ACTG2: variants seen among roughly 807,000 people sequenced by gnomAD.
The protein encoded by ACTG2 is actin, gamma-enteric smooth muscle.
ACTG2 carries 16 observed loss-of-function variants against 37.6 expected under a neutral mutation model. The observed-to-expected ratio is 0.43, with a 90% CI of 0.29 to 0.65. The LOEUF (loss-of-function observed/expected upper bound fraction) is 0.65. Ranked by LOEUF, ACTG2 falls within the 30% of genes least tolerant of loss-of-function variation. The pLI is 0.18. For missense variants in ACTG2, 238 were observed against 490.9 expected, an observed-to-expected ratio of 0.48 and a Z score of 4.87; for synonymous variants, 181 against 179.9, an observed-to-expected ratio of 1.01 and a Z score of -0.05.
intron 1 of ACTG2, among the ~76,000 whole-genome samples, chr2:73,894,983 G>T (rs1263026027): frequency 6.6e-6 from 1 of 152,172 alleles, no homozygotes; most frequent in African/African-American, 2.4e-5. Flanking sequence ...GGGCAAGAGC[G>T]CTACTGCAGC....
chr2:73,900,192 T>C (rs1037720675), intron 1 of ACTG2, among the ~76,000 whole-genome samples: 1 of 152,200 alleles, frequency 6.6e-6, no homozygotes, highest in Admixed American at 6.5e-5. Context: ...GCCTCTCTTT[T>C]CTCTGGGTTT....
At chr2:73,913,163 C>T (rs1558628027) in intron 5 of ACTG2, among the ~76,000 whole-genome samples, 6 of 100,048 alleles carry the variant, frequency 6.0e-5, no homozygotes, top group African/African-American at 2.2e-4. Flanking sequence ...GAGCAAAACT[C>T]TGTCTCCAAA....
rs1680077245 is a variant in ACTG2, at chr2:73,909,232, T to C, written c.451+93T>C. 3 of 1,200,782 alleles carry C rather than the reference T, an allele frequency of 2.5e-6. No homozygotes were observed. The Admixed American group carries it at 5.5e-5, about 22-fold the overall frequency. The allele number at this position is 1,200,782 out of a possible 1,614,324, so 74.4% of individuals were successfully genotyped here. On this transcript the variant is annotated intron_variant, in intron 5 of 8. Coordinates refer to ENST00000345517, the MANE Select transcript of ACTG2 (RefSeq NM_001615.4). The stretch of plus-strand genomic sequence containing the variant: ...GAGGCTCCTGCTCAGAAGAATCAAA[T>C]GGACAGCTGAAGTCCAGGCAAAATC...
intron 3 of ACTG2, among the ~76,000 whole-genome samples, chr2:73,904,771 GTGTGTGTATATA>G (rs1255078266): frequency 9.0e-4 from 18 of 20,070 alleles, no homozygotes; most frequent in Admixed American, 8.0e-3. Flanking sequence ...GTGTGTGTGT[GTGTGTGTATATA>G]TATATATATA....
At chr2:73,894,234 G>A (rs1181826911) in intron 1 of ACTG2, among the ~76,000 whole-genome samples, 1 of 152,172 alleles carries the variant, frequency 6.6e-6, no homozygotes, top group African/African-American at 2.4e-5. Context: ...GCTCCCAGGC[G>A]ACACTGAAGC....
rs547912242 is a variant in ACTG2 at position 73,915,596 on chromosome 2, T to G, written c.805+725T>G. Among the ~76,000 whole-genome samples the G allele has an allele frequency of 8.6e-4, 131 of 152,164 alleles. 1 individual carries two copies. The highest frequency in any genetic ancestry group is 3.0e-3 in the African/African-American group (126 of 41,498). ...AGCCAGTTTGGCGTGCAGGACCTTT[T>G]GCTCTAGAAGACTGTGATGCCAGGC... On this transcript the variant is annotated intron_variant, in intron 7 of 8. Transcript: ENST00000345517.
At chr2:73,919,285 T>C (rs1270910272) in intron 8 of ACTG2, 147 bp from the exon 9 acceptor site, 1 of 967,864 alleles carries the variant, frequency 1.0e-6, no homozygotes, top group East Asian at 2.4e-5. Context: ...GAAGTGAAGG[T>C]TTTGAGCAAT....
intron 3 of ACTG2, 144 bp downstream of exon 3, chr2:73,902,632 C>G: frequency 1.3e-6 from 2 of 1,552,424 alleles, no homozygotes; most frequent in Non-Finnish European, 1.7e-6. Context: ...AGCCCCACGA[C>G]CATTTCTCCA....
chr2:73,913,441 G>C lies in ACTG2; in HGVS notation c.452-44G>C, dbSNP rs768874239. The C allele has an allele frequency of 1.2e-5, 19 of 1,521,398 alleles. No homozygotes were observed. The African/African-American group carries it at 2.5e-4, about 20-fold the overall frequency. 94.2% of individuals were successfully genotyped at this position (1,521,398 alleles called of 1,614,324 possible). ...CAGTCCTAGAAAGAGACTGATGAAA[G>C]GCAAGAATGAGAATTTTATAAGCCT... is the stretch of plus-strand genomic sequence containing the variant. On this transcript the variant is annotated intron_variant, in intron 5 of 8. Coordinates refer to ENST00000345517, the MANE Select transcript of ACTG2 (RefSeq NM_001615.4).
chr2:73,918,313 C>T lies in ACTG2; in HGVS notation c.988-1119C>T, dbSNP rs114091060. Among the ~76,000 whole-genome samples the T allele has an allele frequency of 4.9e-3, 753 of 152,208 alleles. 2 individuals are homozygous for T. The highest frequency in any genetic ancestry group is 8.4e-3 in the Non-Finnish European group (573 of 67,996). The stretch of plus-strand genomic sequence containing the variant: ...TTAGGACCACCAACCTAAGAGAAGC[C>T]AGAGTTTTCTCATGAGAAGTGTCCA... On this transcript the variant is annotated intron_variant, in intron 8 of 8. Transcript: ENST00000345517.
At chr2:73,898,536 T>C (rs987747941) in intron 1 of ACTG2, among the ~76,000 whole-genome samples, 3 of 151,424 alleles carry the variant, frequency 2.0e-5, no homozygotes, top group Admixed American at 6.6e-5. Context: ...CTCATGACCA[T>C]TTCACAAAGA....
intron 6 of ACTG2, among the ~76,000 whole-genome samples, chr2:73,914,098 G>A (rs1020647091): frequency 6.6e-6 from 1 of 152,132 alleles, no homozygotes; most frequent in African/African-American, 2.4e-5. Flanking sequence ...GTCCTGCAAA[G>A]CCCCCAGGAA....
At chr2:73,907,210 C>T (rs893669781) in intron 3 of ACTG2, among the ~76,000 whole-genome samples, 2 of 152,188 alleles carry the variant, frequency 1.3e-5, no homozygotes, top group Non-Finnish European at 2.9e-5. Context: ...AAACGTCTCT[C>T]TCCCCTCTGG....
At chr2:73,906,101 C>G (rs1280942135) in intron 3 of ACTG2, among the ~76,000 whole-genome samples, 4 of 151,304 alleles carry the variant, frequency 2.6e-5, no homozygotes, top group African/African-American at 9.7e-5. Context: ...AGAAAAAAGC[C>G]AAAATGTTAA....
At chr2:73,916,015 C>G (rs1279820608) in intron 7 of ACTG2, among the ~76,000 whole-genome samples, 1 of 151,940 alleles carries the variant, frequency 6.6e-6, no homozygotes, top group Non-Finnish European at 1.5e-5. Flanking sequence ...AATTATATCT[C>G]AAAAAGTTAT....
At chr2:73,908,346 C>G (rs779933147) in intron 3 of ACTG2, 1 of 489,732 alleles carries the variant, frequency 2.0e-6, no homozygotes, top group South Asian at 1.5e-5. Context: ...AAGCAATGAA[C>G]ACTTGAGTGA....
At chr2:73,911,133 A>C (rs1471221915) in intron 5 of ACTG2, among the ~76,000 whole-genome samples, 1 of 152,166 alleles carries the variant, frequency 6.6e-6, no homozygotes, top group African/African-American at 2.4e-5. Flanking sequence ...GACCTGCCTA[A>C]GGCTGTTTTA....
chr2:73,905,899 A>G (rs1300375889), intron 3 of ACTG2, among the ~76,000 whole-genome samples: 1 of 152,074 alleles, frequency 6.6e-6, no homozygotes, highest in Non-Finnish European at 1.5e-5. Context: ...ATATGATAGT[A>G]TATGATAAAA....
At chr2:73,899,700 C>CAT (rs1039950058) in intron 1 of ACTG2, among the ~76,000 whole-genome samples, 56 of 152,288 alleles carry the variant, frequency 3.7e-4, no homozygotes, top group African/African-American at 1.3e-3. Flanking sequence ...TTGACATTGA[C>CAT]TGAGGCAGCC....
Sources: allele counts gnomAD v4.1 joint callset (sites outside exome capture counted in the v4.1 genomes callset), GRCh38; gene constraint gnomAD v4.1.1; transcripts MANE v1.5; gene names NCBI Gene and HGNC (gene_info 2026-07-23, HGNC 2026-07-21).